SCP2: variants seen among roughly 807,000 people sequenced by gnomAD.
SCP2 encodes SCP-2/3-oxoacyl-CoA thiolase.
SCP2 carries 48 observed loss-of-function variants against 71.4 expected under a neutral mutation model. The observed-to-expected ratio is 0.67, with a 90% CI of 0.53 to 0.86. SCP2 has a LOEUF of 0.86. SCP2 is among the 40% of genes least tolerant of loss of function. The pLI is 0.00. For synonymous variants in SCP2, 220 were observed against 218.1 expected, an observed-to-expected ratio of 1.01 and a Z score of -0.08; for missense variants, 560 against 655.6, an observed-to-expected ratio of 0.85 and a Z score of 1.59.
intron 15 of SCP2, chr1:53,049,161 C>G (rs1310939890): frequency 1.3e-5 from 2 of 152,276 alleles, no homozygotes; most frequent in East Asian, 3.8e-4. Context: ...AGTATAGGAG[C>G]TGGCTGTCAT....
At chr1:53,012,921 C>T (rs906648950) in intron 11 of SCP2, among the ~76,000 whole-genome samples, 4 of 152,202 alleles carry the variant, frequency 2.6e-5, no homozygotes, top group South Asian at 2.1e-4. Context: ...CAACTAGCAG[C>T]GTATCTAAGA....
At chr1:52,952,162 C>G (rs1053120152) in intron 4 of SCP2, among the ~76,000 whole-genome samples, 1 of 152,132 alleles carries the variant, frequency 6.6e-6, no homozygotes, top group Non-Finnish European at 1.5e-5. Context: ...CTAGAAACCA[C>G]TAATTTACTT....
intron 11 of SCP2, among the ~76,000 whole-genome samples, chr1:53,005,370 C>T (rs1340747756): frequency 2.0e-5 from 3 of 152,204 alleles, no homozygotes; most frequent in Non-Finnish European, 4.4e-5. Context: ...AGACACCTCC[C>T]AGTAGGGGCT....
chr1:52,941,831 C>T lies in SCP2; in HGVS notation c.105C>T (p.Tyr35=), dbSNP rs566397944. The change falls in exon 2 of 16, where the codon TAC becomes TAT. Residue 35 remains tyrosine (Y), a synonymous_variant. Coordinates refer to ENST00000371514, the MANE Select transcript of SCP2 (RefSeq NM_002979.5). Reference sequence around the variant, plus strand: ...CTGGAGCTGAGAATTCAAGAGACTACCCTGACTTGGCAGAAGAAGCAGGTA... The same window carrying T: ...CTGGAGCTGAGAATTCAAGAGACTATCCTGACTTGGCAGAAGAAGCAGGTA... ...VKPGAENSRD[Y]PDLAEEAGKK... 5 of 1,607,348 alleles carry T rather than the reference C, an allele frequency of 3.1e-6. No homozygotes were observed. In the Admixed American group the frequency reaches 8.3e-5, roughly 27 times the overall value.
At chr1:53,009,230 C>T (rs1006833347) in intron 11 of SCP2, among the ~76,000 whole-genome samples, 7 of 152,076 alleles carry the variant, frequency 4.6e-5, no homozygotes, top group African/African-American at 1.2e-4. Context: ...CAGTGCCATC[C>T]CCATCAAGTT....
intron 3 of SCP2, among the ~76,000 whole-genome samples, chr1:52,950,108 T>TTTTATTTATTTATTTATTTA (rs35871937): frequency 1.3e-5 from 2 of 151,196 alleles, no homozygotes; most frequent in African/African-American, 4.9e-5. Context: ...GGTTTAAAGA[T>TTTTATTTATTTATTTATTTA]TTTATTTATT....
At position 52,961,573 on chromosome 1, in the gene SCP2, A is replaced by G; in HGVS notation, c.467A>G (p.His156Arg). ...ATCAATAAGTATGGATTGTCTGCTC[A>G]CCCAGTTGCTCCTCAGATGTTTGGG... ...LLINKYGLSA[H>R]PVAPQMFGYA... The change falls in exon 6 of 16, where the codon CAC (histidine) becomes CGC (arginine). Residue 156 changes from histidine (H) to arginine (R), a missense_variant. Coordinates refer to ENST00000371514, the MANE Select transcript of SCP2 (RefSeq NM_002979.5). 6.2e-7 allele frequency: 1 copy of G among 1,613,722 alleles called. No individual in the cohort carries two copies. The highest frequency in any genetic ancestry group is 8.5e-7 in the Non-Finnish European group (1 of 1,179,666).
chr1:52,973,497 C>T (rs1657682656), intron 6 of SCP2, among the ~76,000 whole-genome samples: 1 of 152,216 alleles, frequency 6.6e-6, no homozygotes, highest in Admixed American at 6.5e-5. Flanking sequence ...TTTGATCTAA[C>T]AGTCAATTCA....
At chr1:53,021,556 G>A (rs771405831) in intron 12 of SCP2, among the ~76,000 whole-genome samples, 57 of 151,650 alleles carry the variant, frequency 3.8e-4, no homozygotes, top group East Asian at 9.7e-4. Flanking sequence ...CTGACCTCAA[G>A]TAATCCTCCC....
intron 1 of SCP2, among the ~76,000 whole-genome samples, 197 bp from the exon 2 acceptor site, chr1:52,941,599 G>A (rs1391439356): frequency 2.0e-5 from 3 of 152,034 alleles, no homozygotes; most frequent in Non-Finnish European, 4.4e-5. Context: ...GCTGGGCATG[G>A]TGGTGTGCAC....
chr1:53,032,731 G>A (rs987132275), intron 13 of SCP2, among the ~76,000 whole-genome samples: 9 of 152,238 alleles, frequency 5.9e-5, no homozygotes, highest in African/African-American at 2.2e-4. Flanking sequence ...GCCTGAGAGT[G>A]TCAGATGGAT....
intron 11 of SCP2, chr1:52,993,952 T>C: frequency 7.5e-7 from 1 of 1,333,458 alleles, no homozygotes; most frequent in Non-Finnish European, 9.6e-7. Flanking sequence ...TCAATTGCAG[T>C]TTTAATAGAA....
intron 12 of SCP2, among the ~76,000 whole-genome samples, chr1:53,016,804 T>C (rs568310276): frequency 6.6e-6 from 1 of 152,274 alleles, no homozygotes; most frequent in South Asian, 2.1e-4. Context: ...CTATAGAATA[T>C]GGAAAGATAT....
At chr1:53,010,481 A>G (rs1048563374) in intron 11 of SCP2, among the ~76,000 whole-genome samples, 2 of 152,208 alleles carry the variant, frequency 1.3e-5, no homozygotes, top group African/African-American at 4.8e-5. Context: ...CTTTGTAGGG[A>G]CATGGATGAA....
In SCP2 at chr1:53,014,955, G is replaced by C; in HGVS notation, c.1147G>C (p.Gly383Arg). 6.2e-7 allele frequency: 1 copy of C among 1,614,036 alleles called. No homozygotes were observed. The highest frequency in any genetic ancestry group is 8.5e-7 in the Non-Finnish European group (1 of 1,179,974). The change falls in exon 12 of 16, where the codon GGT becomes CGT. Residue 383 changes from glycine (G) to arginine (R), a missense_variant. By Grantham distance (125) the Gly-to-Arg change is moderately radical. Around this residue, in one of 3 missense-constraint regions of SCP2, gnomAD observed 513 missense variants for 573.1 expected, o/e 0.90. Transcript: ENST00000371514. ...GGAAGCCGGAAAGAGGCAAGTTCCT[G>C]GTGCAAAGGTGGCTCTGCAGCATAA... ...RGEAGKRQVP[G>R]AKVALQHNLG...
chr1:52,950,591 A>T (rs918807611), intron 3 of SCP2, among the ~76,000 whole-genome samples, 164 bp from the exon 4 acceptor site: 1 of 152,214 alleles, frequency 6.6e-6, no homozygotes, highest in Non-Finnish European at 1.5e-5. Flanking sequence ...TCTTTTTTGC[A>T]GAGTAAATGA....
At chr1:52,933,080 A>G (rs1653310300) in intron 1 of SCP2, among the ~76,000 whole-genome samples, 9 of 152,180 alleles carry the variant, frequency 5.9e-5, no homozygotes, top group Admixed American at 5.9e-4. Context: ...ATCTTTTTCT[A>G]CTAGAAGAAA....
intron 4 of SCP2, 88 bp downstream of exon 4, chr1:52,950,974 AT>A: frequency 6.8e-7 from 1 of 1,469,942 alleles, no homozygotes; most frequent in Non-Finnish European, 9.5e-7. Context: ...TTTATAATGT[AT>A]TTGTTTTAAA....
intron 1 of SCP2, among the ~76,000 whole-genome samples, chr1:52,939,870 A>T (rs1424976015): frequency 6.6e-6 from 1 of 151,954 alleles, no homozygotes. Flanking sequence ...GGGTTTCATC[A>T]TGTTGACCAG....
Sources: gnomAD v4.1 joint callset for allele counts (sites outside exome capture counted in the v4.1 genomes callset) on GRCh38, gnomAD v4.1.1 for gene constraint, gnomAD v4.1.1 regional missense constraint, MANE v1.5 for transcripts, NCBI Gene and HGNC (gene_info 2026-07-23, HGNC 2026-07-21) for gene names.